The following DAB1 variants were observed in gnomAD, a reference collection of about 807,000 sequenced individuals.
DAB1 encodes disabled homolog 1.
Under a neutral mutation model 64.6 loss-of-function variants are expected in DAB1, and 15 were observed. That is an observed-to-expected ratio of 0.23 (90% CI 0.16 to 0.36). The LOEUF is 0.36. DAB1 is among the 10% of genes least tolerant of loss of function. The probability of loss-of-function intolerance (pLI) is 1.00; values close to 1 mark genes in which losing one functional copy is unlikely to be tolerated. For missense variants in DAB1, 596 were observed against 706.7 expected, an observed-to-expected ratio of 0.84 and a Z score of 1.78; for synonymous variants, 235 against 251.9, an observed-to-expected ratio of 0.93 and a Z score of 0.64.
intron 5 of DAB1, among the ~76,000 whole-genome samples, chr1:58,017,199 G>T (rs1646753092): frequency 6.6e-6 from 1 of 151,922 alleles, no homozygotes; most frequent in African/African-American, 2.4e-5. Flanking sequence ...AGATCAATCA[G>T]TTCGCAGGAT....
intron 6 of DAB1, among the ~76,000 whole-genome samples, chr1:57,766,280 A>C (rs1310073753): frequency 6.6e-6 from 1 of 151,310 alleles, no homozygotes; most frequent in Non-Finnish European, 1.5e-5. Context: ...AAAAAAAAAA[A>C]ACCCAAAAAA....
chr1:57,705,869 C>T (rs544931953), intron 6 of DAB1, among the ~76,000 whole-genome samples: 3 of 118,318 alleles, frequency 2.5e-5, no homozygotes, highest in East Asian at 5.0e-4. Context: ...CAATACAATA[C>T]TAGGGTTTTT....
intron 12 of DAB1, among the ~76,000 whole-genome samples, chr1:57,014,265 A>G (rs1290336059): frequency 2.0e-5 from 3 of 152,248 alleles, no homozygotes; most frequent in African/African-American, 7.2e-5. Flanking sequence ...CTGCAGCACT[A>G]TCTTTTTGTT....
intron 7 of DAB1, among the ~76,000 whole-genome samples, chr1:57,555,025 ATTTTTTTTTTTTTTT>A (rs34370854): frequency 1.5e-5 from 1 of 68,448 alleles, no homozygotes; most frequent in Non-Finnish European, 2.6e-5. Flanking sequence ...CGGTATCTCT[ATTTTTTTTTTTTTTT>A]TTTTTTTTTT....
In DAB1 at chr1:57,128,164, T is replaced by A. The variant is rs201333548; in HGVS notation, c.306+8379A>T. 4.4e-3 allele frequency among the ~76,000 whole-genome samples: 402 copies of A among 90,842 alleles called. 3 individuals carry two copies. The highest frequency in any genetic ancestry group is 0.023 in the African/African-American group (349 of 15,006). The allele number at this position is 90,842 out of a possible 152,430, so 59.6% of individuals were successfully genotyped here. A position where few individuals can be genotyped will look rare whatever the true frequency, so the allele number is the denominator to read the frequency against. On this transcript the variant is annotated intron_variant, in intron 4 of 14. Transcript: ENST00000371236. ...GTCTCAAAAAATAAAAATAAATAAA[T>A]AAATAAATAAATAAATAAATAAATA...
At chr1:57,763,607 G>A (rs1353287916) in intron 6 of DAB1, among the ~76,000 whole-genome samples, 1 of 152,118 alleles carries the variant, frequency 6.6e-6, no homozygotes, top group Non-Finnish European at 1.5e-5. Flanking sequence ...TGAGCCAGGA[G>A]GTGGAGGCTG....
At chr1:57,043,783 G>A (rs1241363301) in intron 9 of DAB1, among the ~76,000 whole-genome samples, 1 of 151,788 alleles carries the variant, frequency 6.6e-6, no homozygotes, top group Admixed American at 6.6e-5. Context: ...GGAGATGGAG[G>A]TTACAGTGAG....
intron 14 of DAB1, among the ~76,000 whole-genome samples, chr1:56,998,866 A>G (rs2101608108): frequency 6.6e-6 from 1 of 152,274 alleles, no homozygotes; most frequent in East Asian, 1.9e-4. Flanking sequence ...ATCCACACCT[A>G]GATAGGAAAC....
At chr1:57,169,975 C>T (rs901887414) in intron 2 of DAB1, among the ~76,000 whole-genome samples, 1 of 150,822 alleles carries the variant, frequency 6.6e-6, no homozygotes, top group South Asian at 2.1e-4. Context: ...TCTTACCATG[C>T]CTTTTTCTTT....
chr1:57,422,129 G>T (rs954946575), intron 1 of DAB1, among the ~76,000 whole-genome samples: 5 of 152,186 alleles, frequency 3.3e-5, no homozygotes, highest in African/African-American at 1.2e-4. Context: ...TAATTAGGCG[G>T]TTCTGAACGT....
intron 7 of DAB1, among the ~76,000 whole-genome samples, chr1:57,436,482 C>A (rs1024389623): frequency 6.6e-6 from 1 of 152,158 alleles, no homozygotes; most frequent in African/African-American, 2.4e-5. Flanking sequence ...GCCCCTACAA[C>A]CCTTGTGGGC....
intron 2 of DAB1, among the ~76,000 whole-genome samples, chr1:57,237,671 T>C (rs1374566299): frequency 4.6e-5 from 7 of 152,200 alleles, no homozygotes; most frequent in African/African-American, 1.7e-4. Context: ...TTTGAGCCCA[T>C]CAATAGCCTT....
At chr1:58,244,666 G>C (rs1198816049) in intron 4 of DAB1, among the ~76,000 whole-genome samples, 1 of 152,108 alleles carries the variant, frequency 6.6e-6, no homozygotes, top group Non-Finnish European at 1.5e-5. Flanking sequence ...CTTGTGCCTA[G>C]GACATGTTAC....
intron 3 of DAB1, among the ~76,000 whole-genome samples, chr1:58,492,998 A>G (rs980803496): frequency 6.6e-6 from 1 of 152,250 alleles, no homozygotes; most frequent in Non-Finnish European, 1.5e-5. Context: ...CCTGATGAAC[A>G]TCAATGCAAA....
rs12021839 is a variant in DAB1 at position 58,213,268 on chromosome 1, A to C, written n.310-62680T>G. Among the ~76,000 whole-genome samples the C allele has an allele frequency of 8.2e-3, 1,249 of 152,300 alleles. 48 individuals are homozygous for C. In the South Asian group the frequency reaches 0.1, roughly 12 times the overall value. On this transcript the variant is annotated intron_variant and non_coding_transcript_variant, in intron 4 of 20. Coordinates refer to the DAB1 transcript ENST00000485760. ...TTTGAGAATCTTTGAGGTCTATTCC[A>C]ATCCAGACATTTCATAAAGAGAGAT...
At chr1:57,327,177 G>A (rs988828211) in intron 1 of DAB1, among the ~76,000 whole-genome samples, 3 of 151,990 alleles carry the variant, frequency 2.0e-5, no homozygotes, top group Admixed American at 1.3e-4. Flanking sequence ...CTGGCCTCAC[G>A]TGATCCTCTT....
intron 1 of DAB1, among the ~76,000 whole-genome samples, chr1:57,336,750 C>A (rs1364961971): frequency 2.6e-5 from 4 of 152,166 alleles, no homozygotes; most frequent in Admixed American, 6.5e-5. Flanking sequence ...TCTATGTCTA[C>A]CCTGTTGATT....
chr1:58,117,526 T>C (rs961366319), intron 5 of DAB1, among the ~76,000 whole-genome samples: 2 of 152,172 alleles, frequency 1.3e-5, no homozygotes, highest in Admixed American at 6.6e-5. Flanking sequence ...GGCACTTCCA[T>C]CAGGGACCTC....
Position 58,207,588 on chromosome 1 carries a change from G to A in DAB1, n.310-57000C>T, listed in dbSNP as rs12042296. Among the ~76,000 whole-genome samples, 1,047 of 152,340 alleles carry A rather than the reference G, an allele frequency of 6.9e-3. 43 individuals are homozygous for A. In the South Asian group the frequency reaches 0.097, roughly 14 times the overall value. ...TGTGATCAGCCATCCTGGTTTACCT[G>A]TGACTGTCCTGGTTTTAATACTGGA... On this transcript the variant is annotated intron_variant and non_coding_transcript_variant, in intron 4 of 20. Coordinates refer to the DAB1 transcript ENST00000485760.
Sources: allele counts gnomAD v4.1 joint callset (sites outside exome capture counted in the v4.1 genomes callset), GRCh38; gene constraint gnomAD v4.1.1; transcripts MANE v1.5; gene names NCBI Gene and HGNC (gene_info 2026-07-23, HGNC 2026-07-21).